ZNF644: variants seen among roughly 807,000 people sequenced by gnomAD.
The protein encoded by ZNF644 is zinc finger protein 644.
Under a neutral mutation model 108.0 loss-of-function variants are expected in ZNF644, and 20 were observed. The observed-to-expected ratio is 0.19, with a 90% CI of 0.13 to 0.27. The LOEUF (loss-of-function observed/expected upper bound fraction) is 0.27. ZNF644 is among the 10% of genes least tolerant of loss of function. The pLI is 1.00. For missense variants in ZNF644, 1,338 were observed against 1,548.9 expected, an observed-to-expected ratio of 0.86 and a Z score of 2.29; for synonymous variants, 542 against 539.1, an observed-to-expected ratio of 1.01 and a Z score of -0.08.
chr1:90,916,920 T>A lies in ZNF644; in HGVS notation c.3862A>T (p.Ile1288Phe). 1 of 1,614,154 alleles carries A rather than the reference T, an allele frequency of 6.2e-7. No homozygotes were observed. The highest frequency in any genetic ancestry group is 8.5e-7 in the Non-Finnish European group (1 of 1,180,038). Residue 1288 changes from isoleucine to phenylalanine, a missense_variant, in exon 6 of 6, where the codon ATT (isoleucine) becomes TTT (phenylalanine). Physicochemically the swap from Ile to Phe is conservative, Grantham distance 21. Coordinates refer to ENST00000337393, the MANE Select transcript of ZNF644 (RefSeq NM_201269.3). ...GTCCGTGGAAGATTAGCGTTTACAATATGTCGTTGTAAGTGCTTAATCCAG... is the reference window on the plus strand; with the variant it reads ...GTCCGTGGAAGATTAGCGTTTACAAAATGTCGTTGTAAGTGCTTAATCCAG... ...EDWIKHLQRH[I>F]VNANLPRTGA...
At chr1:90,989,127 T>G (rs1479350780) in intron 1 of ZNF644, among the ~76,000 whole-genome samples, 2 of 152,086 alleles carry the variant, frequency 1.3e-5, no homozygotes, top group East Asian at 3.8e-4. Flanking sequence ...ATGTATCTGA[T>G]AAGAGGTTAA....
chr1:90,971,934 C>T (rs556448547), intron 2 of ZNF644, among the ~76,000 whole-genome samples: 68 of 152,128 alleles, frequency 4.5e-4, no homozygotes, highest in Admixed American at 1.8e-3. Flanking sequence ...TATATTATTC[C>T]GTTTGCATTT....
chr1:91,009,311 T>C (rs1391107618), intron 1 of ZNF644, among the ~76,000 whole-genome samples: 1 of 152,082 alleles, frequency 6.6e-6, no homozygotes, highest in Admixed American at 6.5e-5. Flanking sequence ...TTCTGTTCTA[T>C]TTCCTAACTC....
chr1:90,927,614 A>G (rs1055011283), intron 4 of ZNF644, among the ~76,000 whole-genome samples: 1 of 152,162 alleles, frequency 6.6e-6, no homozygotes. Flanking sequence ...TACCTTGCTA[A>G]TCACTTATAA....
chr1:90,935,675 T>G (rs1301458712), intron 4 of ZNF644: 6 of 382,588 alleles, frequency 1.6e-5, no homozygotes, highest in Non-Finnish European at 2.2e-5. Flanking sequence ...GGAGGGGAAA[T>G]TAAGTTAACT....
At chr1:90,923,709 G>A in intron 4 of ZNF644, among the ~76,000 whole-genome samples, 1 of 152,080 alleles carries the variant, frequency 6.6e-6, no homozygotes, top group African/African-American at 2.4e-5. Flanking sequence ...ACAGCAATCA[G>A]TGGCAAAGTT....
At position 90,938,839 on chromosome 1, in the gene ZNF644, C is replaced by G. The variant is rs147797448; in HGVS notation, c.2515G>C (p.Val839Leu). The G allele has an allele frequency of 3.0e-5, 49 of 1,613,752 alleles. No individual in the cohort carries two copies. Among genetic ancestry groups the G allele is most frequent in the Non-Finnish European group, 4.0e-5 (47 of 1,179,944 alleles). Reference protein sequence around the residue: ...YPDFLHKMTVVVLQKLNSAEK... With the variant: ...YPDFLHKMTVLVLQKLNSAEK... Reference sequence around the variant, plus strand: ...GCAGAATTAAGTTTTTGCAAAACGACAACAGTCATTTTATGCAAAAAATCT... The same window carrying G: ...GCAGAATTAAGTTTTTGCAAAACGAGAACAGTCATTTTATGCAAAAAATCT... Residue 839 changes from valine (V) to leucine (L), a missense_variant, in exon 3 of 6, where the codon GTC (valine) becomes CTC (leucine). By Grantham distance (32) the Val-to-Leu change is conservative. Coordinates refer to ENST00000337393, the MANE Select transcript of ZNF644 (RefSeq NM_201269.3). This position sits in a 1 kb window ranked among gnomAD's most constrained non-coding sequence, Gnocchi z 4.2.
At chr1:90,971,254 C>T (rs1248454964) in intron 2 of ZNF644, among the ~76,000 whole-genome samples, 3 of 144,146 alleles carry the variant, frequency 2.1e-5, no homozygotes, top group Non-Finnish European at 4.5e-5. Flanking sequence ...CAATGTAACA[C>T]AGCACATTAA....
At chr1:90,935,668 G>T in intron 4 of ZNF644, 1 of 503,536 alleles carries the variant, frequency 2.0e-6, no homozygotes, top group Non-Finnish European at 2.6e-6. Context: ...AAAATAAGGA[G>T]GGGAAATTAA....
chr1:91,014,664 T>A (rs561082087), intron 1 of ZNF644, among the ~76,000 whole-genome samples: 1 of 152,278 alleles, frequency 6.6e-6, no homozygotes, highest in African/African-American at 2.4e-5. Context: ...AACATCATTG[T>A]ACCAATGTCC....
chr1:90,999,835 GGAA>G (rs1437786122), intron 1 of ZNF644, among the ~76,000 whole-genome samples: 1 of 152,126 alleles, frequency 6.6e-6, no homozygotes, highest in Non-Finnish European at 1.5e-5. Context: ...ATAAAGGGAT[GGAA>G]GAAGATCTAC....
intron 1 of ZNF644, among the ~76,000 whole-genome samples, chr1:90,989,179 GA>G (rs2101572541): frequency 6.6e-6 from 1 of 152,150 alleles, no homozygotes; most frequent in South Asian, 2.1e-4. Context: ...AACAAAAAAA[GA>G]AATGACTGAA....
intron 5 of ZNF644, among the ~76,000 whole-genome samples, chr1:90,917,209 G>A (rs1399275669): frequency 3.3e-5 from 5 of 151,440 alleles, no homozygotes; most frequent in Admixed American, 3.3e-4. Flanking sequence ...ATAGGTGGGA[G>A]CATTATTATT....
intron 4 of ZNF644, among the ~76,000 whole-genome samples, chr1:90,928,658 AT>A (rs1557550935): frequency 1.3e-5 from 2 of 151,478 alleles, no homozygotes; most frequent in South Asian, 2.1e-4. Context: ...TGACTTCCTA[AT>A]TTTTTTTACC....
intron 2 of ZNF644, among the ~76,000 whole-genome samples, chr1:90,971,261 T>A: frequency 6.7e-6 from 1 of 148,336 alleles, no homozygotes. Context: ...ACACAGCACA[T>A]TAACAAAAGA....
chr1:90,970,932 G>A (rs111577897), intron 2 of ZNF644, among the ~76,000 whole-genome samples: 1,705 of 146,282 alleles, frequency 0.012, 13 homozygotes, highest in South Asian at 0.022. Context: ...CCCGGGAGGC[G>A]GAGATTACAG....
chr1:90,936,369 A>G (rs1207358210), intron 4 of ZNF644, among the ~76,000 whole-genome samples: 1 of 152,164 alleles, frequency 6.6e-6, no homozygotes, highest in African/African-American at 2.4e-5. Context: ...ACCCTTCTGA[A>G]AAAATATTGA....
intron 1 of ZNF644, among the ~76,000 whole-genome samples, chr1:91,001,649 C>T (rs955990024): frequency 6.6e-6 from 1 of 152,180 alleles, no homozygotes; most frequent in Non-Finnish European, 1.5e-5. Flanking sequence ...CTTCTCTCAC[C>T]ACTCCTATTC....
chr1:90,933,124 A>G (rs978559793), intron 4 of ZNF644, among the ~76,000 whole-genome samples: 21 of 152,198 alleles, frequency 1.4e-4, no homozygotes, highest in South Asian at 2.1e-4. Flanking sequence ...CCAGTTATTT[A>G]TAAGTAATTA....
Sources: allele counts gnomAD v4.1 joint callset (sites outside exome capture counted in the v4.1 genomes callset), GRCh38; gene constraint gnomAD v4.1.1; non-coding constraint Gnocchi (gnomAD v3.1); transcripts MANE v1.5; gene names NCBI Gene and HGNC (gene_info 2026-07-23, HGNC 2026-07-21).